CERS6: variants seen among roughly 807,000 people sequenced by gnomAD.
The protein encoded by CERS6 is ceramide synthase 6.
CERS6 carries 26 observed loss-of-function variants against 56.8 expected under a neutral mutation model. The ratio of observed to expected loss-of-function variants is 0.46; its 90% confidence interval spans 0.34 to 0.63. CERS6 has a LOEUF of 0.63. CERS6 is among the 30% of genes least tolerant of loss of function. CERS6 has a pLI of 0.01. For missense variants in CERS6, 415 were observed against 467.5 expected (o/e 0.89, Z 1.04); for synonymous variants, 164 against 173.3 (o/e 0.95, Z 0.42).
At chr2:168,746,793 A>ATATT in intron 8 of CERS6, among the ~76,000 whole-genome samples, 1 of 99,010 alleles carries the variant, frequency 1.0e-5, no homozygotes, top group Non-Finnish European at 2.0e-5. Context: ...ATATATATAT[A>ATATT]TATATATATA....
chr2:168,607,075 A>G (rs999604063), intron 3 of CERS6, among the ~76,000 whole-genome samples: 4 of 152,088 alleles, frequency 2.6e-5, no homozygotes, highest in Admixed American at 1.3e-4. Flanking sequence ...TCTTTATAGC[A>G]ATGCAAGAAT....
intron 3 of CERS6, among the ~76,000 whole-genome samples, chr2:168,571,981 G>A (rs1695996445): frequency 6.6e-6 from 1 of 152,124 alleles, no homozygotes; most frequent in African/African-American, 2.4e-5. Flanking sequence ...TGCTGTTAGG[G>A]TTCAACTGTG....
At chr2:168,484,163 TTC>T (rs1182361443) in intron 1 of CERS6, among the ~76,000 whole-genome samples, 1 of 141,740 alleles carries the variant, frequency 7.1e-6, no homozygotes, top group African/African-American at 2.6e-5. Flanking sequence ...TTTTTCTTTT[TTC>T]TGTTTTTTTT....
rs59139047 is a variant in CERS6 at position 168,535,669 on chromosome 2, G to GT, written c.171-11908dup. On this transcript the variant is annotated intron_variant, in intron 1 of 9. Transcript: ENST00000305747. ...CCTGCCCAACAATGTTTTGATACCAGTTTTTTTTTTTTTTTTTTTGAATGA... is the reference window on the plus strand; with the variant it reads ...CCTGCCCAACAATGTTTTGATACCAGTTTTTTTTTTTTTTTTTTTTGAATGA... 8.7e-3 allele frequency among the ~76,000 whole-genome samples: 1,010 copies of GT among 115,578 alleles called. 19 individuals carry two copies. Among genetic ancestry groups the GT allele is most frequent in the East Asian group, 0.047 (188 of 4,012 alleles). 75.8% of individuals were successfully genotyped at this position (115,578 alleles called of 152,430 possible). A position where few individuals can be genotyped will look rare whatever the true frequency, so the allele number is the denominator to read the frequency against.
intron 3 of CERS6, among the ~76,000 whole-genome samples, chr2:168,624,133 GTA>G (rs892647174): frequency 1.3e-5 from 2 of 152,232 alleles, no homozygotes; most frequent in Admixed American, 1.3e-4. Context: ...TTTTCTGCTA[GTA>G]TACATTCATG....
intron 1 of CERS6, among the ~76,000 whole-genome samples, chr2:168,504,881 A>G (rs565123966): frequency 2.0e-5 from 3 of 152,252 alleles, no homozygotes; most frequent in East Asian, 3.9e-4. Flanking sequence ...TGGGGTCTAA[A>G]TGTATGGTAA....
chr2:168,505,115 G>T (rs1321346781), intron 1 of CERS6, among the ~76,000 whole-genome samples: 93 of 151,980 alleles, frequency 6.1e-4, no homozygotes, highest in Non-Finnish European at 2.9e-5. Flanking sequence ...GGTGGCTCAC[G>T]CCTGTAATAC....
chr2:168,668,875 A>G (rs755910415), intron 4 of CERS6, among the ~76,000 whole-genome samples: 4 of 152,086 alleles, frequency 2.6e-5, no homozygotes, highest in Non-Finnish European at 4.4e-5. Context: ...ATGTTATTAG[A>G]TTTTTTTTAT....
At chr2:168,614,603 C>A (rs921002417) in intron 3 of CERS6, among the ~76,000 whole-genome samples, 10 of 152,090 alleles carry the variant, frequency 6.6e-5, no homozygotes, top group Non-Finnish European at 5.9e-5. Context: ...CTGGCTTTCC[C>A]CCACTTCCCT....
At chr2:168,714,270 G>C (rs1283958572) in intron 6 of CERS6, among the ~76,000 whole-genome samples, 2 of 152,104 alleles carry the variant, frequency 1.3e-5, no homozygotes. Flanking sequence ...CATGAATTTG[G>C]TGGGCACACA....
At chr2:168,540,465 T>G (rs1695347210) in intron 1 of CERS6, among the ~76,000 whole-genome samples, 1 of 152,186 alleles carries the variant, frequency 6.6e-6, no homozygotes, top group South Asian at 2.1e-4. Context: ...TACCATTCTG[T>G]TTTAATTGCC....
At chr2:168,535,024 G>C (rs1290897457) in intron 1 of CERS6, among the ~76,000 whole-genome samples, 1 of 152,250 alleles carries the variant, frequency 6.6e-6, no homozygotes, top group African/African-American at 2.4e-5. Context: ...GTGTTGGGCT[G>C]TCGGGGACAC....
At chr2:168,605,958 C>G (rs1297020544) in intron 3 of CERS6, among the ~76,000 whole-genome samples, 1 of 152,186 alleles carries the variant, frequency 6.6e-6, no homozygotes, top group East Asian at 1.9e-4. Flanking sequence ...TTAGAGCCCC[C>G]ACACAGAGTC....
chr2:168,618,203 A>T (rs1398500348), intron 3 of CERS6, among the ~76,000 whole-genome samples: 2 of 152,350 alleles, frequency 1.3e-5, no homozygotes, highest in Middle Eastern at 6.8e-3. Context: ...TAAAACCCTT[A>T]GCAAAATTGG....
At chr2:168,574,370 T>TTGTGTGTGTG (rs59913751) in intron 3 of CERS6, among the ~76,000 whole-genome samples, 11 of 148,696 alleles carry the variant, frequency 7.4e-5, no homozygotes, top group African/African-American at 2.5e-4. Context: ...TCAATAAGTT[T>TTGTGTGTGTG]TGTGTGTGTG....
At chr2:168,620,690 A>G (rs1048437748) in intron 3 of CERS6, among the ~76,000 whole-genome samples, 1 of 151,474 alleles carries the variant, frequency 6.6e-6, no homozygotes, top group Non-Finnish European at 1.5e-5. Context: ...GTGTTTTGTT[A>G]TGAGACGTGT....
chr2:168,670,993 G>A (rs990438463), intron 4 of CERS6, among the ~76,000 whole-genome samples: 1 of 111,592 alleles, frequency 9.0e-6, no homozygotes, highest in Non-Finnish European at 1.8e-5. Context: ...ACGGAAGCTT[G>A]CTCTGTTGCC....
chr2:168,681,753 A>G (rs1388328219), intron 4 of CERS6, among the ~76,000 whole-genome samples: 1 of 152,072 alleles, frequency 6.6e-6, no homozygotes, highest in Non-Finnish European at 1.5e-5. Context: ...TTCTAGCTAT[A>G]TTTTGTATCC....
chr2:168,771,057 A>G lies in CERS6; in HGVS notation c.*1395A>G, dbSNP rs1041999504. ...TCTTCTTCTAACTTTTAGTAAGAGG[A>G]AAAAGGGATTATAAAACCCTTCATA... On this transcript the variant is annotated 3_prime_UTR_variant, in exon 10 of 10. Transcript: ENST00000305747. The G allele has an allele frequency of 2.6e-5, 4 of 152,242 alleles. No individual in the cohort carries two copies. The highest frequency in any genetic ancestry group is 2.6e-4 in the Admixed American group (4 of 15,280). The allele number at this position is 152,242 out of a possible 1,614,324, so 9.4% of individuals were successfully genotyped here.
Sources: allele counts gnomAD v4.1 joint callset (sites outside exome capture counted in the v4.1 genomes callset), GRCh38; gene constraint gnomAD v4.1.1; transcripts MANE v1.5; gene names NCBI Gene and HGNC (gene_info 2026-07-23, HGNC 2026-07-21).